The following GPBP1 variants were observed in gnomAD, a reference collection of about 807,000 sequenced individuals.
GPBP1 encodes GC-rich promoter binding protein 1.
Under a neutral mutation model 56.5 loss-of-function variants are expected in GPBP1, and 13 were observed. The observed-to-expected ratio is 0.23, with a 90% confidence interval of 0.15 to 0.37. The LOEUF (loss-of-function observed/expected upper bound fraction) is 0.37. Ranked by LOEUF, GPBP1 falls within the 10% of genes least tolerant of loss-of-function variation. The pLI, the probability that GPBP1 is intolerant of heterozygous loss-of-function variation, is 1.00. For synonymous variants in GPBP1, 204 were observed against 188.9 expected, an observed-to-expected ratio of 1.08 and a Z score of -0.66; for missense variants, 477 against 572.3, an observed-to-expected ratio of 0.83 and a Z score of 1.70.
chr5:57,178,769 T>G (rs534819870), intron 2 of GPBP1, among the ~76,000 whole-genome samples: 1 of 152,386 alleles, frequency 6.6e-6, no homozygotes, highest in African/African-American at 2.4e-5. Context: ...AATAAATAGT[T>G]GCATCCGTTG....
rs912806946 is a variant in GPBP1, at chr5:57,226,889, G to A, written c.64-3957G>A. On this transcript the variant is annotated intron_variant, in intron 3 of 11. Transcript: ENST00000506184. ...CAAGTAGCTGGGACTGCAGGTGCCC[G>A]CCACCGCGCCTGACTAATTTTTTGT... is the stretch of plus-strand genomic sequence containing the variant. Among the ~76,000 whole-genome samples, 7 of 151,462 alleles carry A rather than the reference G, an allele frequency of 4.6e-5. No individual in the cohort carries two copies. In the East Asian group the frequency reaches 5.8e-4, roughly 13 times the overall value.
intron 2 of GPBP1, among the ~76,000 whole-genome samples, chr5:57,177,810 A>G (rs894919651): frequency 1.3e-5 from 2 of 151,498 alleles, no homozygotes; most frequent in South Asian, 2.1e-4. Flanking sequence ...TGAGATTGCA[A>G]TTTTTGAACT....
chr5:57,177,929 A>G (rs1015103870), intron 2 of GPBP1, among the ~76,000 whole-genome samples: 1 of 152,066 alleles, frequency 6.6e-6, no homozygotes, highest in Non-Finnish European at 1.5e-5. Flanking sequence ...TGAAAGTGGT[A>G]GTAAATGTAA....
intron 2 of GPBP1, among the ~76,000 whole-genome samples, chr5:57,181,396 G>A (rs532560993): frequency 6.6e-6 from 1 of 150,706 alleles, no homozygotes. Context: ...CGCTGCGATC[G>A]CGACACTGCA....
intron 2 of GPBP1, among the ~76,000 whole-genome samples, chr5:57,179,254 C>A (rs559962061): frequency 6.6e-6 from 1 of 152,300 alleles, no homozygotes; most frequent in South Asian, 2.1e-4. Flanking sequence ...ATGTTGATTA[C>A]AGACTGCTAA....
In GPBP1 at chr5:57,175,024, G is replaced by A. The variant is rs147028950; in HGVS notation, c.-1010-424G>A. ...TCTTTCTCTTTACACTTATCTCTGA[G>A]TTACATTCGCTAATACTCCGTGGCA... is the stretch of plus-strand genomic sequence containing the variant. On this transcript the variant is annotated intron_variant, in intron 1 of 11. Transcript: ENST00000506184. Among the ~76,000 whole-genome samples the A allele has an allele frequency of 8.2e-3, 1,252 of 152,272 alleles. 6 individuals are homozygous for A. The highest frequency in any genetic ancestry group is 0.013 in the Non-Finnish European group (865 of 68,036).
intron 2 of GPBP1, among the ~76,000 whole-genome samples, chr5:57,201,160 G>A (rs1017122054): frequency 4.6e-5 from 7 of 152,098 alleles, no homozygotes; most frequent in Non-Finnish European, 8.8e-5. Flanking sequence ...ATTCTGTATC[G>A]TATGAGGTAA....
At chr5:57,190,946 A>G (rs2111634555) in intron 2 of GPBP1, among the ~76,000 whole-genome samples, 1 of 151,338 alleles carries the variant, frequency 6.6e-6, no homozygotes, top group Non-Finnish European at 1.5e-5. Flanking sequence ...GTTGCCTTGA[A>G]CTCTAGGTAA....
intron 2 of GPBP1, among the ~76,000 whole-genome samples, chr5:57,203,946 T>C (rs2111711434): frequency 6.6e-6 from 1 of 152,290 alleles, no homozygotes; most frequent in African/African-American, 2.4e-5. Context: ...GCCATGTTCC[T>C]TAGACAGGTG....
At chr5:57,208,223 T>TAAA (rs1380128992) in intron 2 of GPBP1, among the ~76,000 whole-genome samples, 7 of 152,136 alleles carry the variant, frequency 4.6e-5, no homozygotes, top group Non-Finnish European at 8.8e-5. Context: ...TGCCCTTTTC[T>TAAA]TCCCAGCACT....
chr5:57,234,837 A>T (rs1246665047), intron 5 of GPBP1, among the ~76,000 whole-genome samples: 4 of 151,766 alleles, frequency 2.6e-5, no homozygotes, highest in African/African-American at 9.7e-5. Flanking sequence ...TCCTACAGCT[A>T]CAAGAAACTG....
intron 5 of GPBP1, among the ~76,000 whole-genome samples, chr5:57,233,086 T>G (rs779113845): frequency 4.6e-5 from 7 of 152,140 alleles, no homozygotes; most frequent in Non-Finnish European, 8.8e-5. Flanking sequence ...CATTGTTAGT[T>G]TTTACAGTTC....
intron 5 of GPBP1, among the ~76,000 whole-genome samples, chr5:57,231,745 A>C (rs923114580): frequency 1.3e-5 from 2 of 152,200 alleles, no homozygotes; most frequent in African/African-American, 4.8e-5. Context: ...ATTCTTATTC[A>C]GTATATATGA....
At chr5:57,215,124 C>T (rs981678001) in intron 3 of GPBP1, among the ~76,000 whole-genome samples, 20 of 152,308 alleles carry the variant, frequency 1.3e-4, no homozygotes, top group African/African-American at 4.3e-4. Flanking sequence ...CTGTTTTTTA[C>T]TCTTACATGG....
chr5:57,188,204 A>G (rs1490149617), intron 2 of GPBP1, among the ~76,000 whole-genome samples: 4 of 151,258 alleles, frequency 2.6e-5, no homozygotes, highest in Non-Finnish European at 5.9e-5. Flanking sequence ...AGATCGCACC[A>G]CTGCACTCTA....
At chr5:57,254,078 A>G (rs1209870654) in intron 10 of GPBP1, among the ~76,000 whole-genome samples, 1 of 152,094 alleles carries the variant, frequency 6.6e-6, no homozygotes. Flanking sequence ...GGTGTGTACC[A>G]CCATGCCTGG....
chr5:57,248,644 C>T (rs1013661104), intron 8 of GPBP1, among the ~76,000 whole-genome samples: 7 of 151,936 alleles, frequency 4.6e-5, no homozygotes, highest in Non-Finnish European at 5.9e-5. Context: ...CCGTTTTAGC[C>T]GGGATGGTCT....
chr5:57,219,405 C>CAAAAAA (rs1200185260), intron 3 of GPBP1, among the ~76,000 whole-genome samples: 3 of 34,190 alleles, frequency 8.8e-5, no homozygotes, highest in Non-Finnish European at 1.6e-4. Flanking sequence ...AAAAAAAAAC[C>CAAAAAA]AAAAACAAAC....
At chr5:57,209,538 G>A (rs1755385148) in intron 2 of GPBP1, among the ~76,000 whole-genome samples, 1 of 152,136 alleles carries the variant, frequency 6.6e-6, no homozygotes, top group South Asian at 2.1e-4. Flanking sequence ...AATAGAGCTT[G>A]TGAAAGCAGG....
Sources: gnomAD v4.1 joint callset for allele counts (sites outside exome capture counted in the v4.1 genomes callset) on GRCh38, gnomAD v4.1.1 for gene constraint, MANE v1.5 for transcripts, NCBI Gene and HGNC (gene_info 2026-07-23, HGNC 2026-07-21) for gene names.